The following NMU variants were observed in gnomAD, a reference collection of about 807,000 sequenced individuals.
NMU encodes neuromedin U.
A neutral mutation model predicts 35.4 loss-of-function variants in NMU; 29 were observed. That is an observed-to-expected ratio of 0.82 (90% CI 0.61 to 1.12). The LOEUF (loss-of-function observed/expected upper bound fraction) is 1.12, where lower values mean the gene tolerates loss of function less well. Ranked by LOEUF, NMU falls within the 50% of genes most tolerant of loss-of-function variation. The probability of loss-of-function intolerance (pLI) is 0.00; values close to 1 mark genes in which losing one functional copy is unlikely to be tolerated. For missense variants in NMU, 199 were observed against 206.2 expected (o/e 0.97, Z 0.21); for synonymous variants, 78 against 81.3 (o/e 0.96, Z 0.22).
intron 2 of NMU, among the ~76,000 whole-genome samples, chr4:55,616,797 T>C (rs1265724052): frequency 6.6e-6 from 1 of 152,152 alleles, no homozygotes; most frequent in African/African-American, 2.4e-5. Flanking sequence ...TAAATTAACA[T>C]AATAACAGCA....
intron 3 of NMU, among the ~76,000 whole-genome samples, chr4:55,615,154 A>G (rs1406478677): frequency 6.6e-6 from 1 of 152,230 alleles, no homozygotes; most frequent in Non-Finnish European, 1.5e-5. Context: ...GTAAGAACAC[A>G]CTTATTCCCC....
At chr4:55,596,027 T>C (rs1042279094) in intron 9 of NMU, among the ~76,000 whole-genome samples, 2 of 152,172 alleles carry the variant, frequency 1.3e-5, no homozygotes, top group African/African-American at 4.8e-5. Flanking sequence ...CAGTTTACAG[T>C]ATTTAACTAT....
In NMU at chr4:55,636,106, G is replaced by A. The variant is rs1560530244; in HGVS notation, c.87C>T (p.Leu29=). 5.3e-6 allele frequency: 8 copies of A among 1,514,392 alleles called. No individual in the cohort carries two copies. The highest frequency in any genetic ancestry group is 2.0e-5 in the Admixed American group (1 of 49,160). 93.8% of individuals were successfully genotyped at this position (1,514,392 alleles called of 1,614,324 possible). A position where few individuals can be genotyped will look rare whatever the true frequency, so the allele number is the denominator to read the frequency against. The change falls in exon 1 of 10, where the codon CTC becomes CTT. Residue 29 remains leucine, a synonymous_variant. Transcript: ENST00000264218. The surrounding 1 kb of genome is among the most constrained non-coding windows in gnomAD (Gnocchi z 4.0). The part of the protein sequence containing the change: ...ASPLLLLLLL[L]AWCAGACRGA... ...CTCGGCAGGCGCCCGCGCACCAGGC[G>A]AGCAGCAGCAGCAGCAGCAGGAGCG...
chr4:55,630,377 A>G lies in NMU; in HGVS notation c.171+25T>C, dbSNP rs1447666442. On this transcript the variant is annotated intron_variant, in intron 2 of 9. Transcript: ENST00000264218. ...TTCAAAGAAGGGTAAAGTTTCTACA[A>G]ATTTGTGTGATGATAGTTCCTTACC... is the stretch of plus-strand genomic sequence containing the variant. The G allele has an allele frequency of 7.0e-6, 11 of 1,569,850 alleles. No homozygotes were observed. In the Admixed American group the frequency reaches 8.3e-5, roughly 12 times the overall value.
In NMU at chr4:55,630,608, A is replaced by G. The variant is rs955801324; in HGVS notation, c.113-148T>C. On this transcript the variant is annotated intron_variant, in intron 1 of 9. Transcript: ENST00000264218. ...TCAATATTTCAGCATTTGACTTAGT[A>G]CAAGGAGACATAATTACTAAATAAA... 14 of 675,502 alleles carry G rather than the reference A, an allele frequency of 2.1e-5. No homozygotes were observed. In the East Asian group the frequency reaches 2.2e-4, roughly 11 times the overall value. 41.8% of individuals were successfully genotyped at this position (675,502 alleles called of 1,614,324 possible).
chr4:55,599,459 G>A (rs1733338887), intron 8 of NMU, among the ~76,000 whole-genome samples: 2 of 152,064 alleles, frequency 1.3e-5, no homozygotes, highest in South Asian at 4.1e-4. Flanking sequence ...TTTCCTTGAT[G>A]GTACCAACAT....
rs1560513419 is a variant in NMU at position 55,603,939 on chromosome 4, A to ATGTATATATGTGTATATATATGCG, written c.435+1335_435+1336insCGCATATATATACACATATATACA. Among the ~76,000 whole-genome samples the ATGTATATATGTGTATATATATGCG allele has an allele frequency of 3.1e-5, 2 of 63,836 alleles. 1 individual carries two copies. Among genetic ancestry groups the ATGTATATATGTGTATATATATGCG allele is most frequent in the Non-Finnish European group, 6.1e-5 (2 of 33,036 alleles). The allele number at this position is 63,836 out of a possible 152,430, so 41.9% of individuals were successfully genotyped here. On this transcript the variant is annotated intron_variant, in intron 7 of 9. Coordinates refer to ENST00000264218, the MANE Select transcript of NMU (RefSeq NM_006681.4). ...AAAAAAAAAAAAAATATATATATATATATATATGTATATATGTGTATATAT... is the reference window on the plus strand; with the variant it reads ...AAAAAAAAAAAAAATATATATATATATGTATATATGTGTATATATATGCGTATATATGTATATATGTGTATATAT...
chr4:55,618,325 G>A (rs1327620734), intron 2 of NMU, among the ~76,000 whole-genome samples: 3 of 151,990 alleles, frequency 2.0e-5, no homozygotes, highest in Non-Finnish European at 4.4e-5. Flanking sequence ...TAGGTTTTAA[G>A]CCCCGCATGC....
Position 55,636,030 on chromosome 4 carries a change from CAG to C in NMU, c.112+49_112+50del, listed in dbSNP as rs1295886896. ...GGTGGAGGAGAGCGGTGAGTGGAGC[CAG>C]AGAGAGGCGCGCATGGCGTGGAAGC... On this transcript the variant is annotated intron_variant, in intron 1 of 9. Coordinates refer to ENST00000264218, the MANE Select transcript of NMU (RefSeq NM_006681.4). This position sits in a 1 kb window ranked among gnomAD's most constrained non-coding sequence, Gnocchi z 4.0. 9 of 1,532,812 alleles carry C rather than the reference CAG, an allele frequency of 5.9e-6. No individual in the cohort carries two copies. Among genetic ancestry groups the C allele is most frequent in the Non-Finnish European group, 1.7e-6 (2 of 1,146,214 alleles). 95.0% of individuals were successfully genotyped at this position (1,532,812 alleles called of 1,614,324 possible).
At chr4:55,604,679 A>ATTTTTTTTTTTTTTTTTTT (rs767568542) in intron 7 of NMU, among the ~76,000 whole-genome samples, 538 of 47,606 alleles carry the variant, frequency 0.011, 19 homozygotes, top group Admixed American at 0.015. Flanking sequence ...TGCCTGGCTA[A>ATTTTTTTTTTTTTTTTTTT]TTTTTTTTTT....
rs1734109349 is a variant in NMU at position 55,616,366 on chromosome 4, G to A, written c.191C>T (p.Ser64Phe). 1 of 1,612,140 alleles carries A rather than the reference G, an allele frequency of 6.2e-7. No homozygotes were observed. Among genetic ancestry groups the A allele is most frequent in the East Asian group, 2.2e-5 (1 of 44,852 alleles). The change falls in exon 3 of 10, where the codon TCT (serine) becomes TTT (phenylalanine). Residue 64 changes from serine to phenylalanine, a missense_variant. Transcript: ENST00000264218. ...AGGCTGAGAATCAATGGACAGAAAA[G>A]ACGAACAAGTATCATCTATCTGTAG... ...LWNEIDDTCS[S>F]FLSIDSQPQA...
intron 2 of NMU, 46 bp downstream of exon 2, chr4:55,630,356 A>C (rs1379971757): frequency 2.9e-6 from 4 of 1,371,298 alleles, no homozygotes; most frequent in Non-Finnish European, 4.2e-6. Context: ...GATAATTTCA[A>C]AGAAGGGTAA....
At chr4:55,617,081 T>A (rs1051060407) in intron 2 of NMU, among the ~76,000 whole-genome samples, 2 of 152,220 alleles carry the variant, frequency 1.3e-5, no homozygotes, top group Non-Finnish European at 2.9e-5. Context: ...ATTTCTTTGA[T>A]GGCCTTTTAA....
chr4:55,612,985 G>A (rs1208133671), intron 3 of NMU, among the ~76,000 whole-genome samples: 1 of 152,112 alleles, frequency 6.6e-6, no homozygotes, highest in Admixed American at 6.5e-5. Flanking sequence ...AAAAAAGAAT[G>A]AGATCATATC....
intron 3 of NMU, among the ~76,000 whole-genome samples, chr4:55,611,278 A>T (rs1366595865): frequency 6.6e-6 from 1 of 152,134 alleles, no homozygotes; most frequent in Non-Finnish European, 1.5e-5. Context: ...TGGGAGGATC[A>T]TCTGAGCCCA....
At chr4:55,610,930 T>A (rs1162105487) in intron 3 of NMU, among the ~76,000 whole-genome samples, 2 of 152,140 alleles carry the variant, frequency 1.3e-5, no homozygotes, top group African/African-American at 4.8e-5. Flanking sequence ...CAACAAAGTT[T>A]AAAAAGTCAA....
intron 9 of NMU, among the ~76,000 whole-genome samples, chr4:55,595,643 A>ATATATATATT (rs1258986050): frequency 1.5e-5 from 1 of 66,420 alleles, no homozygotes; most frequent in Non-Finnish European, 2.7e-5. Flanking sequence ...ATATATATAT[A>ATATATATATT]TTTTTTTTTT....
At chr4:55,609,211 C>T (rs762318281) in intron 3 of NMU, 32 bp from the exon 4 acceptor site, 4 of 1,557,930 alleles carry the variant, frequency 2.6e-6, no homozygotes, top group East Asian at 4.5e-5. Context: ...GTAAGTTATG[C>T]TTCTGCTTTA....
intron 6 of NMU, among the ~76,000 whole-genome samples, chr4:55,605,884 G>A (rs935103197): frequency 3.6e-4 from 55 of 152,200 alleles, no homozygotes; most frequent in African/African-American, 1.3e-3. Context: ...AGTGAAAACT[G>A]TGACTAAGAT....
Sources: allele counts gnomAD v4.1 joint callset (sites outside exome capture counted in the v4.1 genomes callset), GRCh38; gene constraint gnomAD v4.1.1; non-coding constraint Gnocchi (gnomAD v3.1); transcripts MANE v1.5; gene names NCBI Gene and HGNC (gene_info 2026-07-23, HGNC 2026-07-21).